The following MCUB variants were observed in gnomAD, a reference collection of about 807,000 sequenced individuals.
MCUB encodes calcium uniporter regulatory subunit MCUb, mitochondrial.
A neutral mutation model predicts 41.4 loss-of-function variants in MCUB; 46 were observed. The ratio of observed to expected loss-of-function variants is 1.11; its 90% CI spans 0.88 to 1.42. MCUB has a LOEUF of 1.42. Among genes scored for constraint, MCUB ranks in the 40% most tolerant of loss-of-function variants. MCUB has a pLI of 0.00. For synonymous variants in MCUB, 148 were observed against 148.2 expected (o/e 1.00, Z 0.01); for missense variants, 403 against 404.9 (o/e 1.00, Z 0.04).
At chr4:109,586,714 C>T (rs1377061908) in intron 1 of MCUB, among the ~76,000 whole-genome samples, 1 of 152,130 alleles carries the variant, frequency 6.6e-6, no homozygotes, top group Non-Finnish European at 1.5e-5. Context: ...TCAGGTCCCT[C>T]AGCTGCAGGT....
intron 1 of MCUB, among the ~76,000 whole-genome samples, chr4:109,613,517 T>C (rs889283153): frequency 2.6e-5 from 4 of 152,224 alleles, no homozygotes; most frequent in Non-Finnish European, 5.9e-5. Context: ...TTGCCCTCAA[T>C]TCACTTCCAC....
At chr4:109,592,942 T>C (rs1727471679) in intron 1 of MCUB, among the ~76,000 whole-genome samples, 1 of 152,224 alleles carries the variant, frequency 6.6e-6, no homozygotes, top group Non-Finnish European at 1.5e-5. Context: ...AAAAACATGT[T>C]TAAGGTATGT....
chr4:109,605,057 C>T (rs1173361900), intron 1 of MCUB, among the ~76,000 whole-genome samples: 1 of 152,106 alleles, frequency 6.6e-6, no homozygotes, highest in Admixed American at 6.5e-5. Flanking sequence ...AAAATATTCC[C>T]TCATCCTCTA....
intron 1 of MCUB, among the ~76,000 whole-genome samples, chr4:109,621,710 A>G (rs1728253641): frequency 6.6e-6 from 1 of 152,206 alleles, no homozygotes; most frequent in Non-Finnish European, 1.5e-5. Context: ...TAAATAGAGC[A>G]TTATTATTTT....
chr4:109,606,045 G>T (rs1485375405), intron 1 of MCUB, among the ~76,000 whole-genome samples: 1 of 152,074 alleles, frequency 6.6e-6, no homozygotes, highest in African/African-American at 2.4e-5. Context: ...TGCGATCTCT[G>T]CTCGCTGCAA....
chr4:109,578,696 C>A (rs77978755), intron 1 of MCUB, among the ~76,000 whole-genome samples: 2,074 of 152,142 alleles, frequency 0.014, 47 homozygotes, highest in African/African-American at 0.048. Flanking sequence ...TTTGTAGAGA[C>A]AAGGTCTCAC....
At chr4:109,684,738 GA>G in intron 6 of MCUB, 92 bp downstream of exon 6, 1 of 654,342 alleles carries the variant, frequency 1.5e-6, no homozygotes, top group South Asian at 2.0e-5. Flanking sequence ...TTTATTTACT[GA>G]ATTACTGCCA....
intron 1 of MCUB, among the ~76,000 whole-genome samples, chr4:109,624,969 G>A (rs568279588): frequency 3.3e-5 from 5 of 151,878 alleles, no homozygotes; most frequent in Non-Finnish European, 7.4e-5. Context: ...GTGAACCCCC[G>A]CCTCTACTAA....
intron 1 of MCUB, among the ~76,000 whole-genome samples, chr4:109,620,810 A>G (rs920754249): frequency 6.6e-6 from 1 of 152,174 alleles, no homozygotes; most frequent in African/African-American, 2.4e-5. Context: ...TCAAGAGGCA[A>G]CTTTATCCCT....
chr4:109,643,371 G>A (rs1370479491), intron 1 of MCUB, among the ~76,000 whole-genome samples: 1 of 151,472 alleles, frequency 6.6e-6, no homozygotes, highest in Non-Finnish European at 1.5e-5. Context: ...TTTTAGCAAG[G>A]ACGGGGTTTC....
At chr4:109,653,447 A>C (rs1442159442) in intron 1 of MCUB, among the ~76,000 whole-genome samples, 1 of 151,574 alleles carries the variant, frequency 6.6e-6, no homozygotes, top group African/African-American at 2.4e-5. Context: ...CATTCTTGCC[A>C]GCAATATATG....
intron 1 of MCUB, among the ~76,000 whole-genome samples, chr4:109,600,777 A>T (rs1489671280): frequency 6.6e-6 from 1 of 151,990 alleles, no homozygotes; most frequent in African/African-American, 2.4e-5. Context: ...AGTTTTTGAC[A>T]CGTATTTTTA....
intron 1 of MCUB, among the ~76,000 whole-genome samples, chr4:109,628,388 T>G (rs1339220666): frequency 6.6e-6 from 1 of 152,152 alleles, no homozygotes; most frequent in Non-Finnish European, 1.5e-5. Flanking sequence ...TGGTGGGATA[T>G]TGAGTTTTTA....
chr4:109,598,823 AATTTT>A (rs2126130511), intron 1 of MCUB, among the ~76,000 whole-genome samples: 1 of 152,312 alleles, frequency 6.6e-6, no homozygotes, highest in East Asian at 1.9e-4. Context: ...TCAAATGGTT[AATTTT>A]ATTTTCTCTA....
intron 7 of MCUB, among the ~76,000 whole-genome samples, chr4:109,687,008 A>G (rs986546461): frequency 4.0e-5 from 6 of 151,086 alleles, no homozygotes; most frequent in Non-Finnish European, 8.8e-5. Flanking sequence ...TATAAAGGGT[A>G]TAAACTGTAT....
At chr4:109,649,283 TTCTTA>T (rs374707350) in intron 1 of MCUB, among the ~76,000 whole-genome samples, 5 of 152,368 alleles carry the variant, frequency 3.3e-5, no homozygotes, top group African/African-American at 1.2e-4. Context: ...TCTTTCTCCT[TTCTTA>T]TCTTCTCATA....
chr4:109,677,362 C>G (rs995420758), intron 4 of MCUB, among the ~76,000 whole-genome samples: 1 of 152,118 alleles, frequency 6.6e-6, no homozygotes, highest in Non-Finnish European at 1.5e-5. Flanking sequence ...TTGCCCATAT[C>G]TGATTTAGAT....
Position 109,666,866 on chromosome 4 carries a change from C to CT in MCUB, c.451+2474dup, listed in dbSNP as rs1288623206. ...TGATATTATCATGTGATTTTTCTTCCTTAGTCTGTTGATATGATGGATTAC... is the reference window on the plus strand; with the variant it reads ...TGATATTATCATGTGATTTTTCTTCCTTTAGTCTGTTGATATGATGGATTAC... On this transcript the variant is annotated intron_variant, in intron 4 of 7. Coordinates refer to ENST00000394650, the MANE Select transcript of MCUB (RefSeq NM_017918.5). Among the ~76,000 whole-genome samples, 7 of 151,892 alleles carry CT rather than the reference C, an allele frequency of 4.6e-5. No individual in the cohort carries two copies. The East Asian group carries it at 1.4e-3, about 29-fold the overall frequency.
At chr4:109,560,784 G>T (rs1469487789) in intron 1 of MCUB, among the ~76,000 whole-genome samples, 1 of 152,092 alleles carries the variant, frequency 6.6e-6, no homozygotes, top group Non-Finnish European at 1.5e-5. Flanking sequence ...TCTCGGTCAG[G>T]AGCAAGTTTC....
Sources: allele counts gnomAD v4.1 joint callset (sites outside exome capture counted in the v4.1 genomes callset), GRCh38; gene constraint gnomAD v4.1.1; transcripts MANE v1.5; gene names NCBI Gene and HGNC (gene_info 2026-07-23, HGNC 2026-07-21).